STK38: variants seen among roughly 807,000 people sequenced by gnomAD.
STK38 encodes the protein serine/threonine kinase 38.
Under a neutral mutation model 59.0 loss-of-function variants are expected in STK38, and 26 were observed. The observed-to-expected ratio is 0.44, with a 90% confidence interval of 0.32 to 0.61. The LOEUF is 0.61. STK38 is among the 20% of genes least tolerant of loss of function. The pLI is 0.04. For synonymous variants in STK38, 175 were observed against 176.6 expected (o/e 0.99, Z 0.07); for missense variants, 433 against 566.0 (o/e 0.76, Z 2.38).
chr6:36,545,959 T>A (rs1778044912), intron 1 of STK38, among the ~76,000 whole-genome samples: 1 of 152,204 alleles, frequency 6.6e-6, no homozygotes, highest in South Asian at 2.1e-4. Flanking sequence ...ACAATGGTAC[T>A]CTGTGATCAC....
intron 7 of STK38, among the ~76,000 whole-genome samples, chr6:36,509,798 T>C (rs190644092): frequency 5.3e-5 from 8 of 152,204 alleles, no homozygotes; most frequent in Admixed American, 5.2e-4. Flanking sequence ...GAGTCCATTT[T>C]TTTCATCTAT....
intron 2 of STK38, among the ~76,000 whole-genome samples, chr6:36,533,381 A>G (rs1276796669): frequency 6.6e-6 from 1 of 152,190 alleles, no homozygotes; most frequent in East Asian, 1.9e-4. Flanking sequence ...AACCCTCTTA[A>G]ATATCTAACA....
intron 5 of STK38, among the ~76,000 whole-genome samples, chr6:36,520,787 T>A (rs915765548): frequency 6.6e-6 from 1 of 152,168 alleles, no homozygotes; most frequent in Non-Finnish European, 1.5e-5. Context: ...CATGAAAATT[T>A]GAGAGAAAAT....
rs1304567195 is a variant in STK38 at position 36,525,471 on chromosome 6, C to A, written c.183+120G>T. The A allele has an allele frequency of 3.7e-6, 3 of 815,714 alleles. No individual in the cohort carries two copies. In the African/African-American group the frequency reaches 5.2e-5, roughly 14 times the overall value. The allele number at this position is 815,714 out of a possible 1,614,324, so 50.5% of individuals were successfully genotyped here. A position where few individuals can be genotyped will look rare whatever the true frequency, so the allele number is the denominator to read the frequency against. On this transcript the variant is annotated intron_variant, in intron 3 of 13. Coordinates refer to ENST00000229812, the MANE Select transcript of STK38 (RefSeq NM_007271.4). The stretch of plus-strand genomic sequence containing the variant: ...ACCCAAATCCGGAAGCACACTACCC[C>A]TCAAGTTCCTCTGTTATTGAGCCAA...
At chr6:36,541,159 A>G (rs1014072855) in intron 1 of STK38, among the ~76,000 whole-genome samples, 3 of 152,142 alleles carry the variant, frequency 2.0e-5, no homozygotes, top group East Asian at 1.9e-4. Context: ...TCAGCCTCCC[A>G]AAGTGCTGAG....
At chr6:36,517,589 C>A (rs1264590955) in intron 6 of STK38, 128 bp downstream of exon 6, 3 of 1,230,506 alleles carry the variant, frequency 2.4e-6, no homozygotes, top group African/African-American at 1.5e-5. Flanking sequence ...CCTTTATAGA[C>A]CTAAAAAAGG....
chr6:36,498,889 C>A lies in STK38; in HGVS notation c.953-403G>T, dbSNP rs1156467440. Among the ~76,000 whole-genome samples the A allele has an allele frequency of 3.3e-5, 5 of 152,134 alleles. No individual in the cohort carries two copies. In the East Asian group the frequency reaches 9.6e-4, roughly 29 times the overall value. Reference sequence around the variant, plus strand: ...TACAGGCATAAGCCACTGTGCCCGGCCTGATTCTGTATGTCTTTAATGACT... The same window carrying A: ...TACAGGCATAAGCCACTGTGCCCGGACTGATTCTGTATGTCTTTAATGACT... On this transcript the variant is annotated intron_variant, in intron 10 of 13. Coordinates refer to ENST00000229812, the MANE Select transcript of STK38 (RefSeq NM_007271.4).
At chr6:36,533,902 A>G (rs1010696033) in intron 2 of STK38, among the ~76,000 whole-genome samples, 1 of 152,252 alleles carries the variant, frequency 6.6e-6, no homozygotes, top group Non-Finnish European at 1.5e-5. Context: ...GACACTGTGC[A>G]GACACTTGTT....
chr6:36,496,085 G>A (rs113104499), intron 13 of STK38, among the ~76,000 whole-genome samples, 171 bp from the exon 14 acceptor site: 2,246 of 139,664 alleles, frequency 0.016, 52 homozygotes, highest in African/African-American at 0.055. Context: ...TTGCTCTGTC[G>A]CCAGGCTGGA....
chr6:36,526,826 G>A (rs1441158573), intron 2 of STK38, among the ~76,000 whole-genome samples: 3 of 151,896 alleles, frequency 2.0e-5, no homozygotes, highest in African/African-American at 7.3e-5. Flanking sequence ...CCCAGGAGGT[G>A]GAGGCTGCAG....
intron 7 of STK38, among the ~76,000 whole-genome samples, chr6:36,513,848 T>TAAAAAAAAAAA (rs1178706954): frequency 1.6e-5 from 1 of 63,840 alleles, no homozygotes; most frequent in African/African-American, 6.7e-5. Context: ...TACTAAAAAT[T>TAAAAAAAAAAA]AAAAAAAAAA....
At chr6:36,506,931 G>A (rs1776976961) in intron 8 of STK38, among the ~76,000 whole-genome samples, 1 of 152,174 alleles carries the variant, frequency 6.6e-6, no homozygotes, top group African/African-American at 2.4e-5. Flanking sequence ...AGGGAATTCA[G>A]TCTCAACTAG....
Position 36,521,728 on chromosome 6 carries a change from C to A in STK38, c.390+6G>T, listed in dbSNP as rs889844615. On this transcript the variant is annotated splice_donor_region_variant and intron_variant, in intron 5 of 13. Coordinates refer to ENST00000229812, the MANE Select transcript of STK38 (RefSeq NM_007271.4). ...AGCTAAAAGCACTGCTACAACTGTG[C>A]TTTACCTGCTCTTTTTCAAGCATAT... The A allele has an allele frequency of 5.0e-6, 8 of 1,605,416 alleles. No individual in the cohort carries two copies. The African/African-American group carries it at 1.1e-4, about 22-fold the overall frequency.
intron 9 of STK38, 103 bp from the exon 10 acceptor site, chr6:36,500,093 A>G: frequency 1.2e-6 from 1 of 839,426 alleles, no homozygotes; most frequent in Non-Finnish European, 2.0e-6. Flanking sequence ...AGCTACCCCC[A>G]AGCTAAATAA....
chr6:36,528,913 G>T (rs1777601664), intron 2 of STK38, among the ~76,000 whole-genome samples: 1 of 152,150 alleles, frequency 6.6e-6, no homozygotes, highest in Admixed American at 6.5e-5. Flanking sequence ...GTTTTCCACA[G>T]GTTTACTGAA....
At chr6:36,516,413 T>A (rs567164512) in intron 6 of STK38, among the ~76,000 whole-genome samples, 1 of 152,222 alleles carries the variant, frequency 6.6e-6, no homozygotes, top group Non-Finnish European at 1.5e-5. Context: ...TCACTTATGT[T>A]AGAAAACAAG....
intron 5 of STK38, among the ~76,000 whole-genome samples, chr6:36,520,329 G>A (rs897681161): frequency 5.9e-5 from 9 of 152,248 alleles, no homozygotes; most frequent in South Asian, 4.1e-4. Flanking sequence ...CAATATTTGC[G>A]AAAAGGCTTT....
chr6:36,495,663 A>G lies in STK38; in HGVS notation c.*121T>C. ...TCCTCTTACTACCACATTTCAGGAG[A>G]CTTTACTATGACATATTGGTGGGTT... On this transcript the variant is annotated 3_prime_UTR_variant, in exon 14 of 14. Coordinates refer to ENST00000229812, the MANE Select transcript of STK38 (RefSeq NM_007271.4). 1.5e-6 allele frequency: 2 copies of G among 1,308,212 alleles called. No individual in the cohort carries two copies. The highest frequency in any genetic ancestry group is 1.9e-4 in the Middle Eastern group (1 of 5,226). The allele number at this position is 1,308,212 out of a possible 1,614,324, so 81.0% of individuals were successfully genotyped here. A position where few individuals can be genotyped will look rare whatever the true frequency, so the allele number is the denominator to read the frequency against.
At chr6:36,540,048 A>C in intron 2 of STK38, 24 bp downstream of exon 2, 1 of 1,612,630 alleles carries the variant, frequency 6.2e-7, no homozygotes, top group East Asian at 2.2e-5. Context: ...CCATGACACA[A>C]TTTTTTCAAA....
Sources: allele counts gnomAD v4.1 joint callset (sites outside exome capture counted in the v4.1 genomes callset), GRCh38; gene constraint gnomAD v4.1.1; transcripts MANE v1.5; gene names NCBI Gene and HGNC (gene_info 2026-07-23, HGNC 2026-07-21).